Variants in WDR45B observed in about 807,000 individuals in gnomAD.
The protein encoded by WDR45B is WD repeat domain phosphoinositide-interacting protein 3.
Under a neutral mutation model 44.6 loss-of-function variants are expected in WDR45B, and 20 were observed. The observed-to-expected ratio is 0.45, with a 90% CI of 0.32 to 0.65. The LOEUF is 0.65. Ranked by LOEUF, WDR45B falls within the 30% of genes least tolerant of loss-of-function variation. The pLI, the probability that WDR45B is intolerant of heterozygous loss-of-function variation, is 0.05. For synonymous variants in WDR45B, 169 were observed against 164.9 expected, an observed-to-expected ratio of 1.02 and a Z score of -0.19; for missense variants, 323 against 430.2, an observed-to-expected ratio of 0.75 and a Z score of 2.20.
At chr17:82,621,924 A>C in intron 5 of WDR45B, 125 bp from the exon 6 acceptor site, 2 of 1,107,128 alleles carry the variant, frequency 1.8e-6, no homozygotes, top group Non-Finnish European at 1.3e-6. Context: ...CAGAACCACA[A>C]ATTCAATTTA....
At position 82,615,956 on chromosome 17, in the gene WDR45B, T is replaced by G; in HGVS notation, c.998A>C (p.Tyr333Ser). Reference protein sequence around the residue: ...NPKGECIRDVYAQFLEMTDDK... With the variant: ...NPKGECIRDVSAQFLEMTDDK... ...ATCGGTCATCTCTAGAAACTGCGCG[T>G]AGACATCTCGGATGCACTCCCCCTT... is the stretch of plus-strand genomic sequence containing the variant. Residue 333 changes from tyrosine (Y) to serine (S), a missense_variant, in exon 10 of 10, where the codon TAC becomes TCC. Physicochemically the swap from Tyr to Ser is moderately radical, Grantham distance 144. Coordinates refer to ENST00000392325, the MANE Select transcript of WDR45B (RefSeq NM_019613.4). The G allele has an allele frequency of 6.2e-7, 1 of 1,613,492 alleles. No homozygotes were observed. The highest frequency in any genetic ancestry group is 8.5e-7 in the Non-Finnish European group (1 of 1,179,904).
At chr17:82,640,049 G>T (rs997201796) in intron 2 of WDR45B, among the ~76,000 whole-genome samples, 1 of 134,350 alleles carries the variant, frequency 7.4e-6, no homozygotes, top group African/African-American at 2.8e-5. Context: ...CTATGTCGGG[G>T]AGCAGGGTTG....
At chr17:82,626,563 A>G (rs1016986637) in intron 4 of WDR45B, among the ~76,000 whole-genome samples, 2 of 137,172 alleles carry the variant, frequency 1.5e-5, no homozygotes, top group Non-Finnish European at 3.1e-5. Flanking sequence ...AAAAAAGGGC[A>G]GGGAGGTGAA....
chr17:82,620,658 A>G (rs1568002593), intron 6 of WDR45B, among the ~76,000 whole-genome samples: 1 of 152,164 alleles, frequency 6.6e-6, no homozygotes, highest in African/African-American at 2.4e-5. Context: ...TCACCTCCTT[A>G]ACAATTTATA....
chr17:82,615,599 T>C lies in WDR45B; in HGVS notation c.*320A>G, dbSNP rs1391138723. ...CCACCCTCTCAGCCCAGTCCCCAGG[T>C]CCGTATGGAGCCCCCGTCAGTGTGA... On this transcript the variant is annotated 3_prime_UTR_variant, in exon 10 of 10. Coordinates refer to ENST00000392325, the MANE Select transcript of WDR45B (RefSeq NM_019613.4). 42 of 425,074 alleles carry C rather than the reference T, an allele frequency of 9.9e-5. No homozygotes were observed. The highest frequency in any genetic ancestry group is 8.7e-4 in the South Asian group (40 of 45,828). The allele number at this position is 425,074 out of a possible 1,614,324, so 26.3% of individuals were successfully genotyped here.
chr17:82,617,463 C>T (rs2045552495), intron 7 of WDR45B, 66 bp from the exon 8 acceptor site: 2 of 1,501,166 alleles, frequency 1.3e-6, no homozygotes, highest in South Asian at 1.2e-5. Flanking sequence ...ACTTAACCCA[C>T]AGCACTTGTC....
At chr17:82,628,116 C>T (rs760196516) in intron 3 of WDR45B, among the ~76,000 whole-genome samples, 7 of 152,194 alleles carry the variant, frequency 4.6e-5, no homozygotes, top group Non-Finnish European at 7.3e-5. Flanking sequence ...CGTCAGCTTC[C>T]CAAATGGCTG....
In WDR45B at chr17:82,648,024, A is replaced by C. The variant is rs557264317; in HGVS notation, c.67+250T>G. ...GGACGGCCGGCTGGGAGCGGTCACA[A>C]CCCGGGGGGTGGGGGAGCGCGAAAG... On this transcript the variant is annotated intron_variant, in intron 1 of 9. Coordinates refer to ENST00000392325, the MANE Select transcript of WDR45B (RefSeq NM_019613.4). 2.5e-5 allele frequency among the ~76,000 whole-genome samples: 3 copies of C among 120,622 alleles called. No homozygotes were observed. In the East Asian group the frequency reaches 7.3e-4, roughly 29 times the overall value. The allele number at this position is 120,622 out of a possible 152,430, so 79.1% of individuals were successfully genotyped here.
intron 5 of WDR45B, among the ~76,000 whole-genome samples, chr17:82,622,852 C>T (rs183450971): frequency 6.6e-6 from 1 of 150,936 alleles, no homozygotes; most frequent in Admixed American, 6.6e-5. Context: ...TGGAAGAGAA[C>T]AAAAAGTCCA....
rs749279188 is a variant in WDR45B, at chr17:82,643,974, A to C, written c.117T>G (p.Asp39Glu). The stretch of plus-strand genomic sequence containing the variant: ...CTTGTTTCTCTTTTTCTTTTAGTGG[A>C]TCAGTGTTATAGACTCGGAATCCAT... ...MENGFRVYNT[D>E]PLKEKEKQEF... Residue 39 changes from aspartate (D) to glutamate (E), a missense_variant, in exon 2 of 10, where the codon GAT becomes GAG. Asp to Glu is a conservative substitution (Grantham distance 45). Coordinates refer to ENST00000392325, the MANE Select transcript of WDR45B (RefSeq NM_019613.4). The C allele has an allele frequency of 4.3e-6, 7 of 1,614,114 alleles. No homozygotes were observed. The highest frequency in any genetic ancestry group is 5.9e-6 in the Non-Finnish European group (7 of 1,179,994).
chr17:82,631,877 G>A lies in WDR45B; in HGVS notation c.143-855C>T, dbSNP rs2045772680. Among the ~76,000 whole-genome samples the A allele has an allele frequency of 2.0e-5, 3 of 151,902 alleles. No individual in the cohort carries two copies. In the South Asian group the frequency reaches 6.2e-4, roughly 32 times the overall value. ...AGGCGGGCAGATGATGAGGTCAAGA[G>A]ACTGAGACCATCTGGGCCAACATGG... On this transcript the variant is annotated intron_variant, in intron 2 of 9. Transcript: ENST00000392325.
chr17:82,644,324 C>A, intron 1 of WDR45B: 1 of 445,834 alleles, frequency 2.2e-6, no homozygotes. Flanking sequence ...CAGTGACAAA[C>A]GTGAAGGACA....
chr17:82,645,227 G>C (rs2045961102), intron 1 of WDR45B, among the ~76,000 whole-genome samples: 1 of 151,918 alleles, frequency 6.6e-6, no homozygotes, highest in Non-Finnish European at 1.5e-5. Context: ...GAACCCAGGA[G>C]GGGGAGGTTG....
At chr17:82,634,501 GA>G (rs904700877) in intron 2 of WDR45B, among the ~76,000 whole-genome samples, 1 of 148,914 alleles carries the variant, frequency 6.7e-6, no homozygotes, top group Non-Finnish European at 1.5e-5. Context: ...CAAAAAAAAA[GA>G]AAAAAACAAA....
At chr17:82,646,979 C>A (rs1044561990) in intron 1 of WDR45B, among the ~76,000 whole-genome samples, 3 of 152,190 alleles carry the variant, frequency 2.0e-5, no homozygotes, top group African/African-American at 7.2e-5. Context: ...CGCCTGTAAT[C>A]CCAGCACTTT....
At chr17:82,624,624 GT>G (rs544094467) in intron 5 of WDR45B, among the ~76,000 whole-genome samples, 36 of 143,702 alleles carry the variant, frequency 2.5e-4, no homozygotes, top group East Asian at 6.3e-4. Flanking sequence ...ATTTATTGAA[GT>G]TTTTTTTTTT....
At chr17:82,647,751 G>A (rs1020971136) in intron 1 of WDR45B, among the ~76,000 whole-genome samples, 3 of 151,844 alleles carry the variant, frequency 2.0e-5, no homozygotes, top group Admixed American at 6.6e-5. Context: ...CGGAGACGCC[G>A]GCTCCGCGGC....
At chr17:82,634,856 G>A (rs1396239053) in intron 2 of WDR45B, among the ~76,000 whole-genome samples, 4 of 151,926 alleles carry the variant, frequency 2.6e-5, no homozygotes, top group Non-Finnish European at 4.4e-5. Context: ...GGTGAGCTGC[G>A]GTACCCGGCC....
intron 2 of WDR45B, among the ~76,000 whole-genome samples, chr17:82,632,311 A>T (rs1166303244): frequency 6.6e-6 from 1 of 151,880 alleles, no homozygotes; most frequent in Non-Finnish European, 1.5e-5. Context: ...ACAGGCACAC[A>T]TCACCGCGCC....
Sources: gnomAD v4.1 joint callset for allele counts (sites outside exome capture counted in the v4.1 genomes callset) on GRCh38, gnomAD v4.1.1 for gene constraint, MANE v1.5 for transcripts, NCBI Gene and HGNC (gene_info 2026-07-23, HGNC 2026-07-21) for gene names.